NCAM2: variants seen among roughly 807,000 people sequenced by gnomAD.
NCAM2 encodes neural cell adhesion molecule 2.
NCAM2 carries 30 observed loss-of-function variants against 98.1 expected under a neutral mutation model. That is an observed-to-expected ratio of 0.31 (90% CI 0.23 to 0.41). The LOEUF is 0.41. NCAM2 is among the 10% of genes least tolerant of loss of function. NCAM2 has a pLI of 1.00. For synonymous variants in NCAM2, 368 were observed against 342.4 expected (o/e 1.07, Z -0.83); for missense variants, 867 against 1,005.8 (o/e 0.86, Z 1.87).
intron 5 of NCAM2, among the ~76,000 whole-genome samples, chr21:21,309,659 GC>G (rs2073983630): frequency 6.6e-6 from 1 of 152,078 alleles, no homozygotes; most frequent in South Asian, 2.1e-4. Context: ...TCCTCACTTT[GC>G]CATTAAGTCC....
chr21:21,225,768 A>G (rs1022412392), intron 1 of NCAM2, among the ~76,000 whole-genome samples: 5 of 152,106 alleles, frequency 3.3e-5, no homozygotes, highest in African/African-American at 1.2e-4. Context: ...TAATATTCCA[A>G]AGTTGATTTG....
chr21:21,400,597 C>CTTT (rs59168731), intron 9 of NCAM2, among the ~76,000 whole-genome samples: 4 of 137,978 alleles, frequency 2.9e-5, no homozygotes, highest in South Asian at 4.6e-4. Context: ...TTACCAAAAA[C>CTTT]TTTTTTTTTT....
chr21:21,261,051 A>G lies in NCAM2; in HGVS notation c.56-19527A>G, dbSNP rs553230434. ...TAAAACAAAAAAAAGAACAAGGGAT[A>G]CTCTTTTTGTATCATATGTAACAGA... On this transcript the variant is annotated intron_variant, in intron 1 of 17. Coordinates refer to ENST00000400546, the MANE Select transcript of NCAM2 (RefSeq NM_004540.5). 4.6e-5 allele frequency among the ~76,000 whole-genome samples: 7 copies of G among 152,160 alleles called. No individual in the cohort carries two copies. In the East Asian group the frequency reaches 1.2e-3, roughly 25 times the overall value.
chr21:21,519,958 A>G (rs1361246909), intron 16 of NCAM2, among the ~76,000 whole-genome samples: 2 of 152,124 alleles, frequency 1.3e-5, no homozygotes, highest in Non-Finnish European at 2.9e-5. Flanking sequence ...CAGAGAAAAA[A>G]AAATTAAGAT....
At chr21:21,535,955 A>G (rs1422494600) in intron 17 of NCAM2, among the ~76,000 whole-genome samples, 1 of 152,094 alleles carries the variant, frequency 6.6e-6, no homozygotes, top group Non-Finnish European at 1.5e-5. Context: ...AACTTAATAT[A>G]TATTTCATGA....
At chr21:21,129,298 C>G (rs1298119880) in intron 1 of NCAM2, among the ~76,000 whole-genome samples, 1 of 152,060 alleles carries the variant, frequency 6.6e-6, no homozygotes, top group Non-Finnish European at 1.5e-5. Flanking sequence ...AGTGTTAGAA[C>G]TTAATGATTT....
intron 1 of NCAM2, among the ~76,000 whole-genome samples, chr21:21,157,373 C>T (rs2826713): frequency 0.33 from 49,536 of 151,906 alleles, 9,255 homozygotes; most frequent in Non-Finnish European, 0.44. Context: ...CTATATTTGG[C>T]ACATGATATT....
chr21:21,388,879 G>T (rs1389222121), intron 9 of NCAM2, among the ~76,000 whole-genome samples: 2 of 151,926 alleles, frequency 1.3e-5, no homozygotes, highest in Non-Finnish European at 2.9e-5. Flanking sequence ...AAAAAATAAA[G>T]GATATAAAAT....
At chr21:21,514,146 A>G (rs1250577586) in intron 16 of NCAM2, among the ~76,000 whole-genome samples, 1 of 150,702 alleles carries the variant, frequency 6.6e-6, no homozygotes, top group Non-Finnish European at 1.5e-5. Context: ...AATTAAATTT[A>G]TATTTATAAT....
At chr21:21,353,751 C>T (rs2075400914) in intron 8 of NCAM2, among the ~76,000 whole-genome samples, 1 of 151,984 alleles carries the variant, frequency 6.6e-6, no homozygotes, top group South Asian at 2.1e-4. Flanking sequence ...CATTATACAC[C>T]TTTCACATTT....
chr21:21,326,105 T>A (rs1176436962), intron 6 of NCAM2, among the ~76,000 whole-genome samples: 1 of 152,188 alleles, frequency 6.6e-6, no homozygotes, highest in Non-Finnish European at 1.5e-5. Flanking sequence ...CATGTTTCTT[T>A]ATCCTGTGAA....
chr21:21,256,011 C>T (rs1458047375), intron 1 of NCAM2, among the ~76,000 whole-genome samples: 1 of 152,116 alleles, frequency 6.6e-6, no homozygotes, highest in South Asian at 2.1e-4. Flanking sequence ...AGCCAAATTT[C>T]AATAATGTAG....
At chr21:21,423,814 T>G (rs1172555386) in intron 11 of NCAM2, among the ~76,000 whole-genome samples, 4 of 152,114 alleles carry the variant, frequency 2.6e-5, no homozygotes, top group African/African-American at 9.7e-5. Flanking sequence ...AAGTCACAAG[T>G]ACAATATCAT....
chr21:21,434,292 A>G (rs1364795296), intron 12 of NCAM2, among the ~76,000 whole-genome samples: 1 of 152,218 alleles, frequency 6.6e-6, no homozygotes, highest in East Asian at 1.9e-4. Context: ...TTGTTTGGTG[A>G]GTCTAGAATA....
At chr21:21,115,641 T>A (rs2066539079) in intron 1 of NCAM2, among the ~76,000 whole-genome samples, 1 of 152,192 alleles carries the variant, frequency 6.6e-6, no homozygotes, top group Non-Finnish European at 1.5e-5. Flanking sequence ...TTAAGAAAAA[T>A]TTCTCTAAAA....
chr21:21,237,922 T>C (rs2070898847), intron 1 of NCAM2, among the ~76,000 whole-genome samples: 2 of 150,238 alleles, frequency 1.3e-5, no homozygotes, highest in Admixed American at 1.3e-4. Context: ...CATTTCTTTG[T>C]TAAATTTTGT....
chr21:21,239,751 G>A (rs944523970), intron 1 of NCAM2, among the ~76,000 whole-genome samples: 2 of 151,886 alleles, frequency 1.3e-5, no homozygotes, highest in Non-Finnish European at 2.9e-5. Flanking sequence ...TGTACCTGGA[G>A]GACAGGTAGA....
At chr21:21,072,469 A>G (rs1172191754) in intron 1 of NCAM2, among the ~76,000 whole-genome samples, 1 of 152,104 alleles carries the variant, frequency 6.6e-6, no homozygotes, top group Non-Finnish European at 1.5e-5. Context: ...TCAAACTATT[A>G]TAACATAGAG....
rs746471957 is a variant in NCAM2 at position 21,280,621 on chromosome 21, T to A, written c.99T>A (p.Ser33Arg). The change falls in exon 2 of 18, where the codon AGT (serine) becomes AGA (arginine). Residue 33 changes from serine to arginine, a missense_variant. Transcript: ENST00000400546. Reference sequence around the variant, plus strand: ...TTTCACTTAGCAAAGTAGAGCTTAGTGTTGGAGAATCTAAATTCTTCACAT... The same window carrying A: ...TTTCACTTAGCAAAGTAGAGCTTAGAGTTGGAGAATCTAAATTCTTCACAT... ...VTISLSKVELSVGESKFFTCT... is the reference protein window; with the variant it reads ...VTISLSKVELRVGESKFFTCT... 1 of 1,600,532 alleles carries A rather than the reference T, an allele frequency of 6.2e-7. No individual in the cohort carries two copies. Among genetic ancestry groups the A allele is most frequent in the Non-Finnish European group, 8.5e-7 (1 of 1,174,448 alleles).
Sources: gnomAD v4.1 joint callset for allele counts (sites outside exome capture counted in the v4.1 genomes callset) on GRCh38, gnomAD v4.1.1 for gene constraint, MANE v1.5 for transcripts, NCBI Gene and HGNC (gene_info 2026-07-23, HGNC 2026-07-21) for gene names.